RAB31: variants seen among roughly 807,000 people sequenced by gnomAD.
RAB31 encodes ras-related protein Rab-31.
Under a neutral mutation model 25.6 loss-of-function variants are expected in RAB31, and 21 were observed. The ratio of observed to expected loss-of-function variants is 0.82; its 90% confidence interval spans 0.58 to 1.18. The LOEUF (loss-of-function observed/expected upper bound fraction) is 1.18, where lower values mean the gene tolerates loss of function less well. Among genes scored for constraint, RAB31 ranks in the 50% most tolerant of loss-of-function variants. The pLI, the probability that RAB31 is intolerant of heterozygous loss-of-function variation, is 0.00. For synonymous variants in RAB31, 87 were observed against 84.0 expected, an observed-to-expected ratio of 1.04 and a Z score of -0.20; for missense variants, 196 against 250.1, an observed-to-expected ratio of 0.78 and a Z score of 1.46.
At chr18:9,842,870 C>T (rs887439438) in intron 5 of RAB31, among the ~76,000 whole-genome samples, 4 of 152,344 alleles carry the variant, frequency 2.6e-5, no homozygotes, top group Admixed American at 6.5e-5. Flanking sequence ...ATGAGACTCA[C>T]CTCTAGCCAT....
intron 1 of RAB31, among the ~76,000 whole-genome samples, chr18:9,746,877 A>G (rs2068208457): frequency 6.6e-6 from 1 of 152,258 alleles, no homozygotes; most frequent in South Asian, 2.1e-4. Context: ...ATTCTTAGAC[A>G]TGAAAGCAAA....
At chr18:9,839,012 G>A (rs762591521) in intron 5 of RAB31, among the ~76,000 whole-genome samples, 5 of 152,194 alleles carry the variant, frequency 3.3e-5, no homozygotes, top group Non-Finnish European at 7.3e-5. Context: ...GATGCTTACT[G>A]ATTGCCTCCT....
intron 2 of RAB31, 27 bp from the exon 3 acceptor site, chr18:9,792,127 G>A: frequency 6.3e-7 from 1 of 1,594,278 alleles, no homozygotes; most frequent in Non-Finnish European, 8.6e-7. Context: ...ATGCAGTAAT[G>A]TGGAGATGCT....
At chr18:9,798,183 C>A (rs1452327968) in intron 3 of RAB31, among the ~76,000 whole-genome samples, 1 of 152,178 alleles carries the variant, frequency 6.6e-6, no homozygotes, top group Non-Finnish European at 1.5e-5. Flanking sequence ...TCAAAGTGAA[C>A]ATTTTTAGAG....
intron 6 of RAB31, among the ~76,000 whole-genome samples, chr18:9,848,600 T>C (rs1457003303): frequency 6.6e-6 from 1 of 152,226 alleles, no homozygotes; most frequent in Non-Finnish European, 1.5e-5. Context: ...ATTTTTCTTT[T>C]CCCTGTTCCT....
intron 5 of RAB31, among the ~76,000 whole-genome samples, chr18:9,841,864 A>C (rs554660003): frequency 1.3e-5 from 2 of 152,322 alleles, no homozygotes; most frequent in African/African-American, 4.8e-5. Flanking sequence ...TATTTGGGAA[A>C]TTGGCTGTTA....
At chr18:9,832,315 T>C (rs1210342682) in intron 5 of RAB31, among the ~76,000 whole-genome samples, 1 of 152,096 alleles carries the variant, frequency 6.6e-6, no homozygotes, top group African/African-American at 2.4e-5. Flanking sequence ...GAGCAGGTCT[T>C]CCCATCAGGG....
At chr18:9,769,175 C>T (rs1297596271) in intron 1 of RAB31, among the ~76,000 whole-genome samples, 10 of 152,092 alleles carry the variant, frequency 6.6e-5, no homozygotes, top group African/African-American at 1.2e-4. Context: ...CTTGGCTATA[C>T]GGGCTCTTTT....
intron 2 of RAB31, among the ~76,000 whole-genome samples, chr18:9,778,952 G>A (rs774137833): frequency 7.0e-4 from 107 of 152,116 alleles, no homozygotes; most frequent in Non-Finnish European, 1.2e-3. Flanking sequence ...ATAAGGAAGC[G>A]AAAATATATT....
chr18:9,776,214 G>A (rs1330121645), intron 2 of RAB31, among the ~76,000 whole-genome samples: 4 of 152,212 alleles, frequency 2.6e-5, no homozygotes, highest in Non-Finnish European at 5.9e-5. Context: ...CCCCTTTCCA[G>A]TGGGCTCCTT....
At chr18:9,827,585 A>C (rs1270131323) in intron 5 of RAB31, among the ~76,000 whole-genome samples, 2 of 151,912 alleles carry the variant, frequency 1.3e-5, no homozygotes, top group Non-Finnish European at 2.9e-5. Flanking sequence ...CATCTTACGG[A>C]AGCACTCTGG....
At chr18:9,767,131 C>G (rs1240672706) in intron 1 of RAB31, among the ~76,000 whole-genome samples, 1 of 152,218 alleles carries the variant, frequency 6.6e-6, no homozygotes, top group Non-Finnish European at 1.5e-5. Context: ...TATCAGTGAT[C>G]CCCAATGGGA....
At chr18:9,852,989 T>C (rs530781688) in intron 6 of RAB31, among the ~76,000 whole-genome samples, 118 of 152,324 alleles carry the variant, frequency 7.7e-4, no homozygotes, top group African/African-American at 2.7e-3. Flanking sequence ...ACTAGTAATG[T>C]TGAGTGTCTT....
chr18:9,723,587 A>T (rs1232942663), intron 1 of RAB31: 1 of 152,180 alleles, frequency 6.6e-6, no homozygotes, highest in Non-Finnish European at 1.5e-5. Context: ...TATATAAAGA[A>T]ATTGGCTCAC....
intron 1 of RAB31, among the ~76,000 whole-genome samples, chr18:9,717,180 A>G (rs2068049061): frequency 6.6e-6 from 1 of 152,144 alleles, no homozygotes; most frequent in South Asian, 2.1e-4. Context: ...CCCAGTCTCA[A>G]GTGATCCTCC....
intron 1 of RAB31, among the ~76,000 whole-genome samples, chr18:9,712,504 A>G (rs182653111): frequency 9.2e-5 from 14 of 152,364 alleles, no homozygotes; most frequent in African/African-American, 3.4e-4. Flanking sequence ...TGAAACATGA[A>G]GCTTAAAGGC....
chr18:9,780,677 T>C (rs1305915196), intron 2 of RAB31, among the ~76,000 whole-genome samples: 1 of 152,232 alleles, frequency 6.6e-6, no homozygotes, highest in African/African-American at 2.4e-5. Context: ...ACGCCTGTAA[T>C]CCCAGCACTT....
chr18:9,731,591 A>C (rs1599015951), intron 1 of RAB31, among the ~76,000 whole-genome samples: 2 of 110,788 alleles, frequency 1.8e-5, no homozygotes, highest in African/African-American at 4.0e-5. Flanking sequence ...CTTTCTGGGA[A>C]TTTGCTTTTT....
At chr18:9,767,262 T>C (rs917115961) in intron 1 of RAB31, among the ~76,000 whole-genome samples, 1 of 152,226 alleles carries the variant, frequency 6.6e-6, no homozygotes, top group African/African-American at 2.4e-5. Context: ...GCCATAATTT[T>C]TGTGCTTAGT....
Sources: gnomAD v4.1 joint callset for allele counts (sites outside exome capture counted in the v4.1 genomes callset) on GRCh38, gnomAD v4.1.1 for gene constraint, MANE v1.5 for transcripts, NCBI Gene and HGNC (gene_info 2026-07-23, HGNC 2026-07-21) for gene names.